Variants in ADGRD1 observed in about 807,000 individuals in gnomAD.
ADGRD1 encodes G-protein coupled receptor 133.
A neutral mutation model predicts 113.4 loss-of-function variants in ADGRD1; 77 were observed. That is an observed-to-expected ratio of 0.68 (90% CI 0.57 to 0.82). The LOEUF (loss-of-function observed/expected upper bound fraction) is 0.82. Among genes scored for constraint, ADGRD1 ranks in the 40% least tolerant of loss-of-function variants. The probability of loss-of-function intolerance (pLI) is 0.00; values close to 1 mark genes in which losing one functional copy is unlikely to be tolerated. For synonymous variants in ADGRD1, 474 were observed against 475.0 expected, an observed-to-expected ratio of 1.00 and a Z score of 0.03; for missense variants, 1,036 against 1,139.1, an observed-to-expected ratio of 0.91 and a Z score of 1.30.
At chr12:131,009,757 G>A (rs74975293) in intron 12 of ADGRD1, among the ~76,000 whole-genome samples, 9,514 of 152,250 alleles carry the variant, frequency 0.062, 826 homozygotes, top group African/African-American at 0.2. Flanking sequence ...ATGCAAATGC[G>A]CGTGTGTGCA....
chr12:131,045,432 C>A (rs1882590784), intron 13 of ADGRD1, among the ~76,000 whole-genome samples: 1 of 152,152 alleles, frequency 6.6e-6, no homozygotes, highest in Non-Finnish European at 1.5e-5. Context: ...ACAAGGGGCT[C>A]CAGGAGGAGA....
chr12:131,051,685 C>A (rs1044118547), intron 13 of ADGRD1, among the ~76,000 whole-genome samples: 4 of 152,114 alleles, frequency 2.6e-5, no homozygotes, highest in Admixed American at 6.5e-5. Context: ...GGGGTTTTAC[C>A]ATGTTGACCA....
chr12:131,103,090 C>T lies in ADGRD1; in HGVS notation c.1672-1741C>T, dbSNP rs990181504. ...CCCACCTTTCCCGTGATAGCCACAA[C>T]GTCCGTGGAGAGGGAAGTCCAGCCC... On this transcript the variant is annotated intron_variant, in intron 15 of 24. Coordinates refer to ENST00000261654, the MANE Select transcript of ADGRD1 (RefSeq NM_198827.5). Among the ~76,000 whole-genome samples the T allele has an allele frequency of 2.7e-4, 41 of 152,260 alleles. 1 individual carries two copies. Among genetic ancestry groups the T allele is most frequent in the Non-Finnish European group, 1.3e-4 (9 of 68,048 alleles).
rs974079877 is a variant in ADGRD1 at position 131,033,628 on chromosome 12, GGTC to G, written c.1473+19289_1473+19291del. Among the ~76,000 whole-genome samples, 30 of 152,180 alleles carry G rather than the reference GGTC, an allele frequency of 2.0e-4. 1 individual carries two copies. Among genetic ancestry groups the G allele is most frequent in the Non-Finnish European group, 1.5e-5 (1 of 68,030 alleles). ...CCTCTTGCCTTGGCTGACAGGCCTG[GGTC>G]CCGGTGGAGTGGACTGGAGCCGGCC... is the stretch of plus-strand genomic sequence containing the variant. On this transcript the variant is annotated intron_variant, in intron 13 of 24. Transcript: ENST00000261654.
chr12:131,013,786 G>T (rs1878220821), intron 12 of ADGRD1, among the ~76,000 whole-genome samples: 2 of 152,202 alleles, frequency 1.3e-5, no homozygotes, highest in South Asian at 2.1e-4. Context: ...TGAGTTACCT[G>T]CCCAAGGTCA....
chr12:131,066,619 CA>C (rs1884742002), intron 13 of ADGRD1, among the ~76,000 whole-genome samples: 1 of 152,214 alleles, frequency 6.6e-6, no homozygotes. Context: ...TCTCACATCC[CA>C]GTGCTGGGGA....
At chr12:131,000,812 C>T (rs1162789479) in intron 9 of ADGRD1, among the ~76,000 whole-genome samples, 1 of 151,682 alleles carries the variant, frequency 6.6e-6, no homozygotes, top group Non-Finnish European at 1.5e-5. Flanking sequence ...GTATGTGCCT[C>T]GGGAACCATT....
At chr12:130,959,268 A>T (rs1053056526) in intron 2 of ADGRD1, among the ~76,000 whole-genome samples, 4 of 152,198 alleles carry the variant, frequency 2.6e-5, no homozygotes, top group African/African-American at 4.8e-5. Context: ...TATGCATAGG[A>T]GACACGCAAT....
At chr12:131,115,512 C>T (rs1445598448) in intron 18 of ADGRD1, among the ~76,000 whole-genome samples, 1 of 152,008 alleles carries the variant, frequency 6.6e-6, no homozygotes, top group African/African-American at 2.4e-5. Context: ...GCCCATGCGC[C>T]CATCCTCCCA....
chr12:131,037,348 C>CACTCACTGAACTGGGTCTT (rs1881603747), intron 13 of ADGRD1, among the ~76,000 whole-genome samples: 1 of 89,582 alleles, frequency 1.1e-5, no homozygotes, highest in Admixed American at 1.2e-4. Flanking sequence ...CACCGGGCCT[C>CACTCACTGAACTGGGTCTT]ACTCACTGCA....
intron 14 of ADGRD1, among the ~76,000 whole-genome samples, chr12:131,079,873 C>T (rs1466530199): frequency 6.6e-6 from 1 of 152,062 alleles, no homozygotes; most frequent in Non-Finnish European, 1.5e-5. Context: ...TTCTGAGTCA[C>T]TCTTACTATA....
At chr12:130,975,844 T>G (rs1024228348) in intron 4 of ADGRD1, among the ~76,000 whole-genome samples, 2 of 152,194 alleles carry the variant, frequency 1.3e-5, no homozygotes, top group Non-Finnish European at 2.9e-5. Flanking sequence ...CCGTCTCGAG[T>G]AACTTCGGCC....
rs754191350 is a variant in ADGRD1, at chr12:131,003,346, G to T, written c.1144+44G>T. On this transcript the variant is annotated intron_variant, in intron 10 of 24. Transcript: ENST00000261654. This position sits in a 1 kb window ranked among gnomAD's most constrained non-coding sequence, Gnocchi z 4.8. The stretch of plus-strand genomic sequence containing the variant: ...GGTGAGCCACATGGCAGGGGCGGGG[G>T]CTGGAGGCTGCGTTTCACTGCCTGT... The T allele has an allele frequency of 7.6e-7, 1 of 1,322,568 alleles. No individual in the cohort carries two copies. The highest frequency in any genetic ancestry group is 1.1e-6 in the Non-Finnish European group (1 of 919,240). 81.9% of individuals were successfully genotyped at this position (1,322,568 alleles called of 1,614,324 possible). A position where few individuals can be genotyped will look rare whatever the true frequency, so the allele number is the denominator to read the frequency against.
intron 20 of ADGRD1, among the ~76,000 whole-genome samples, chr12:131,123,732 A>G (rs751416999): frequency 7.9e-5 from 12 of 151,972 alleles, no homozygotes; most frequent in Middle Eastern, 3.4e-3. Flanking sequence ...TGAGGCAGGA[A>G]AATGGCGTGA....
intron 20 of ADGRD1, among the ~76,000 whole-genome samples, chr12:131,128,485 G>T (rs1352894993): frequency 6.6e-6 from 1 of 152,094 alleles, no homozygotes; most frequent in Non-Finnish European, 1.5e-5. Flanking sequence ...ACAGGAAATG[G>T]GTTTCATATT....
intron 3 of ADGRD1, chr12:130,968,879 C>T (rs1173307006): frequency 1.0e-5 from 7 of 692,760 alleles, no homozygotes; most frequent in Non-Finnish European, 1.8e-5. Flanking sequence ...ATGAAAGAGC[C>T]CCTCCTGGTG....
At chr12:131,135,685 C>T (rs1030287378) in intron 21 of ADGRD1, among the ~76,000 whole-genome samples, 1 of 151,058 alleles carries the variant, frequency 6.6e-6, no homozygotes. Context: ...CTGCTTCAGT[C>T]CCCCGAATCT....
At chr12:131,069,143 G>A (rs1217070406) in intron 13 of ADGRD1, 1 of 152,228 alleles carries the variant, frequency 6.6e-6, no homozygotes, top group Non-Finnish European at 1.5e-5. Flanking sequence ...AGCCCAGCAG[G>A]CCCATCCTCC....
intron 20 of ADGRD1, among the ~76,000 whole-genome samples, chr12:131,123,665 CA>C (rs1163958868): frequency 2.0e-5 from 3 of 151,678 alleles, no homozygotes; most frequent in Non-Finnish European, 2.9e-5. Flanking sequence ...ACTAAAAATA[CA>C]AAAAAATTAG....
Sources: allele counts gnomAD v4.1 joint callset (sites outside exome capture counted in the v4.1 genomes callset), GRCh38; gene constraint gnomAD v4.1.1; non-coding constraint Gnocchi (gnomAD v3.1); transcripts MANE v1.5; gene names NCBI Gene and HGNC (gene_info 2026-07-23, HGNC 2026-07-21).